Variants in SOX21 observed in about 807,000 individuals in gnomAD.
The protein encoded by SOX21 is SRY-box transcription factor 21, also known as transcription factor SOX-21.
For synonymous variants in SOX21, 237 were observed against 189.7 expected, an observed-to-expected ratio of 1.25 and a Z score of -2.05; for missense variants, 370 against 388.8, an observed-to-expected ratio of 0.95 and a Z score of 0.41.
At position 94,710,623 on chromosome 13, in the gene SOX21, C is replaced by CA. The variant is rs1411010490; in HGVS notation, c.*595dup. On this transcript the variant is annotated 3_prime_UTR_variant, in exon 1 of 1. Coordinates refer to ENST00000376945, the MANE Select transcript of SOX21 (RefSeq NM_007084.4). Reference sequence around the variant, plus strand: ...TGGTTGGGAGTTCTGCTTGAGAGAACAGAGATCTGCAAAGTTCAAATAGTA... The same window carrying CA: ...TGGTTGGGAGTTCTGCTTGAGAGAACAAGAGATCTGCAAAGTTCAAATAGTA... The CA allele has an allele frequency of 6.6e-6, 1 of 152,126 alleles. No homozygotes were observed. Among genetic ancestry groups the CA allele is most frequent in the East Asian group, 1.9e-4 (1 of 5,168 alleles). The allele number at this position is 152,126 out of a possible 1,614,324, so 9.4% of individuals were successfully genotyped here. A position where few individuals can be genotyped will look rare whatever the true frequency, so the allele number is the denominator to read the frequency against.
Position 94,711,641 on chromosome 13 carries a change from C to T in SOX21, c.409G>A (p.Ala137Thr). Residue 137 changes from alanine (A) to threonine (T), a missense_variant, in exon 1 of 1, where the codon GCG becomes ACG. Ala to Thr is a moderately conservative substitution (Grantham distance 58). Transcript: ENST00000376945. The part of the protein sequence containing the change: ...PESLLANPEK[A>T]AAAAAAAAAR... ...GCGGCAGCGGCGGCGGCCGCGGCCG[C>T]CTTCTCGGGATTGGCGAGCAGCGAC... 1 of 1,298,652 alleles carries T rather than the reference C, an allele frequency of 7.7e-7. No homozygotes were observed. Among genetic ancestry groups the T allele is most frequent in the Non-Finnish European group, 9.8e-7 (1 of 1,025,404 alleles). The allele number at this position is 1,298,652 out of a possible 1,614,324, so 80.4% of individuals were successfully genotyped here.
chr13:94,712,211 C>CA lies in SOX21; in HGVS notation c.-163dup. On this transcript the variant is annotated 5_prime_UTR_variant, in exon 1 of 1. Coordinates refer to ENST00000376945, the MANE Select transcript of SOX21 (RefSeq NM_007084.4). The surrounding 1 kb of genome is among the most constrained non-coding windows in gnomAD (Gnocchi z 5.0). ...GGAGGAGGGGGCTGGGGGACCAGCCCAGGGCCACGCCGCGCCCCGGGCCGC... is the reference window on the plus strand; with the variant it reads ...GGAGGAGGGGGCTGGGGGACCAGCCCAAGGGCCACGCCGCGCCCCGGGCCGC... 7.9e-7 allele frequency: 1 copy of CA among 1,270,884 alleles called. No homozygotes were observed. The highest frequency in any genetic ancestry group is 4.4e-5 in the Admixed American group (1 of 22,920). The allele number at this position is 1,270,884 out of a possible 1,614,324, so 78.7% of individuals were successfully genotyped here.
At position 94,711,549 on chromosome 13, in the gene SOX21, G is replaced by C; in HGVS notation, c.501C>G (p.Gly167=). Residue 167 remains glycine, a synonymous_variant, in exon 1 of 1, where the codon GGC becomes GGG. Transcript: ENST00000376945. ...CCAGGTCGAGCAGCGAGTAGGGGCT[G>C]CCCGCGGCGGCGGCGGCGGCGGCAG... is the stretch of plus-strand genomic sequence containing the variant. ...AAAAAAAAAA[G]SPYSLLDLGS... is the part of the protein sequence containing the mutation. The C allele has an allele frequency of 9.2e-7, 1 of 1,091,104 alleles. No homozygotes were observed. Among genetic ancestry groups the C allele is most frequent in the Non-Finnish European group, 1.1e-6 (1 of 891,400 alleles). The allele number at this position is 1,091,104 out of a possible 1,614,324, so 67.6% of individuals were successfully genotyped here. A position where few individuals can be genotyped will look rare whatever the true frequency, so the allele number is the denominator to read the frequency against.
chr13:94,711,435 GA>G lies in SOX21; in HGVS notation c.614del (p.Phe205SerfsTer31). ...CTGCAGCCGCCGCCGCCGCGCCGTGGAAGGCGCCCGCGCCCGCGGTCGGGTA... is the reference window on the plus strand; with the variant it reads ...CTGCAGCCGCCGCCGCCGCGCCGTGGAGGCGCCCGCGCCCGCGGTCGGGTA... ...LGYPTAGAGA[F>X]HGAAAAAAAA... is the part of the protein sequence containing the mutation. On this transcript the variant is annotated frameshift_variant, in exon 1 of 1. Transcript: ENST00000376945. LOFTEE classifies it high-confidence loss of function. 2 of 1,091,994 alleles carry G rather than the reference GA, an allele frequency of 1.8e-6. No homozygotes were observed. Among genetic ancestry groups the G allele is most frequent in the East Asian group, 6.3e-5 (1 of 15,974 alleles). The allele number at this position is 1,091,994 out of a possible 1,614,324, so 67.6% of individuals were successfully genotyped here. A position where few individuals can be genotyped will look rare whatever the true frequency, so the allele number is the denominator to read the frequency against.
rs1875208595 is a variant in SOX21 at position 94,710,725 on chromosome 13, A to C, written c.*494T>G. 1.4e-5 allele frequency: 2 copies of C among 142,238 alleles called. No homozygotes were observed. The highest frequency in any genetic ancestry group is 3.0e-5 in the Non-Finnish European group (2 of 66,318). 8.8% of individuals were successfully genotyped at this position (142,238 alleles called of 1,614,324 possible). ...ACACAAGCAGCTTTTCCCGTGTGCC[A>C]GCCATTTCAGACCTCACATTTGAAC... On this transcript the variant is annotated 3_prime_UTR_variant, in exon 1 of 1. Coordinates refer to ENST00000376945, the MANE Select transcript of SOX21 (RefSeq NM_007084.4).
At position 94,711,756 on chromosome 13, in the gene SOX21, G is replaced by A; in HGVS notation, c.294C>T (p.Tyr98=). 1.2e-6 allele frequency: 2 copies of A among 1,612,876 alleles called. No individual in the cohort carries two copies. Among genetic ancestry groups the A allele is most frequent in the Non-Finnish European group, 1.7e-6 (2 of 1,179,614 alleles). Residue 98 remains tyrosine (Y), a synonymous_variant, in exon 1 of 1, where the codon TAC becomes TAT. Coordinates refer to ENST00000376945, the MANE Select transcript of SOX21 (RefSeq NM_007084.4). ...CGGCGTCCGCCACGCCGCCCAGGCC[G>A]TAGGGCACCGGGAAGGCGAACTTGT... ...KKDKFAFPVP[Y]GLGGVADAEH...
chr13:94,712,186 G>A lies in SOX21; in HGVS notation c.-137C>T, dbSNP rs1349760931. 1.5e-6 allele frequency: 2 copies of A among 1,372,532 alleles called. No individual in the cohort carries two copies. Among genetic ancestry groups the A allele is most frequent in the Non-Finnish European group, 9.4e-7 (1 of 1,068,454 alleles). 85.0% of individuals were successfully genotyped at this position (1,372,532 alleles called of 1,614,324 possible). On this transcript the variant is annotated 5_prime_UTR_variant, in exon 1 of 1. Coordinates refer to ENST00000376945, the MANE Select transcript of SOX21 (RefSeq NM_007084.4). This position sits in a 1 kb window ranked among gnomAD's most constrained non-coding sequence, Gnocchi z 5.0. Reference sequence around the variant, plus strand: ...CGCGCCCCGGCGTCGCTCCCGCCCCGGAGGAGGGGGCTGGGGGACCAGCCC... The same window carrying A: ...CGCGCCCCGGCGTCGCTCCCGCCCCAGAGGAGGGGGCTGGGGGACCAGCCC...
chr13:94,710,363 T>C lies in SOX21; in HGVS notation c.*856A>G, dbSNP rs1284460104. On this transcript the variant is annotated 3_prime_UTR_variant, in exon 1 of 1. Coordinates refer to ENST00000376945, the MANE Select transcript of SOX21 (RefSeq NM_007084.4). ...TGCCTTTTTCCTTTTTTGTAAACTG[T>C]GTCAGAAATCCAAGCGAGTGGACTC... 1 of 152,650 alleles carries C rather than the reference T, an allele frequency of 6.6e-6. No individual in the cohort carries two copies. Among genetic ancestry groups the C allele is most frequent in the Non-Finnish European group, 1.5e-5 (1 of 68,050 alleles). 9.5% of individuals were successfully genotyped at this position (152,650 alleles called of 1,614,324 possible).
rs767677959 is a variant in SOX21 at position 94,711,626 on chromosome 13, C to T, written c.424G>A (p.Ala142Thr). 2.4e-6 allele frequency: 3 copies of T among 1,236,844 alleles called. No individual in the cohort carries two copies. Among genetic ancestry groups the T allele is most frequent in the Non-Finnish European group, 3.0e-6 (3 of 989,084 alleles). 76.6% of individuals were successfully genotyped at this position (1,236,844 alleles called of 1,614,324 possible). Residue 142 changes from alanine to threonine, a missense_variant, in exon 1 of 1, where the codon GCC becomes ACC. By Grantham distance (58) the Ala-to-Thr change is moderately conservative. Transcript: ENST00000376945. ...ANPEKAAAAAAAAAARVFFPQ... is the reference protein window; with the variant it reads ...ANPEKAAAAATAAAARVFFPQ... ...AAGAAGACGCGTGCGGCGGCAGCGG[C>T]GGCGGCCGCGGCCGCCTTCTCGGGA...
At position 94,711,420 on chromosome 13, in the gene SOX21, C is replaced by T; in HGVS notation, c.630G>A (p.Ala210=). The change falls in exon 1 of 1, where the codon GCG becomes GCA. Residue 210 remains alanine, a synonymous_variant. Coordinates refer to ENST00000376945, the MANE Select transcript of SOX21 (RefSeq NM_007084.4). ...CGGCGGCGGCCGCCGCTGCAGCCGC[C>T]GCCGCCGCGCCGTGGAAGGCGCCCG... ...AGAGAFHGAA[A]AAAAAAAAAG... 3 of 674,810 alleles carry T rather than the reference C, an allele frequency of 4.4e-6. No homozygotes were observed. Among genetic ancestry groups the T allele is most frequent in the African/African-American group, 2.1e-5 (1 of 48,018 alleles). 41.8% of individuals were successfully genotyped at this position (674,810 alleles called of 1,614,324 possible).
rs983273426 is a variant in SOX21 at position 94,710,864 on chromosome 13, A to G, written c.*355T>C. The G allele has an allele frequency of 5.2e-6, 1 of 192,444 alleles. No individual in the cohort carries two copies. Among genetic ancestry groups the G allele is most frequent in the Non-Finnish European group, 1.1e-5 (1 of 94,184 alleles). The allele number at this position is 192,444 out of a possible 1,614,324, so 11.9% of individuals were successfully genotyped here. A position where few individuals can be genotyped will look rare whatever the true frequency, so the allele number is the denominator to read the frequency against. ...CCATGAAACTTCCAACAAAACTGGA[A>G]AGGCCAACATGTCAAAAAGTTACTC... On this transcript the variant is annotated 3_prime_UTR_variant, in exon 1 of 1. Transcript: ENST00000376945.
In SOX21 at chr13:94,711,369, G is replaced by A; in HGVS notation, c.681C>T (p.Pro227=). 1.6e-6 allele frequency: 2 copies of A among 1,254,876 alleles called. No individual in the cohort carries two copies. Among genetic ancestry groups the A allele is most frequent in the Non-Finnish European group, 2.0e-6 (2 of 1,001,250 alleles). 77.7% of individuals were successfully genotyped at this position (1,254,876 alleles called of 1,614,324 possible). A position where few individuals can be genotyped will look rare whatever the true frequency, so the allele number is the denominator to read the frequency against. Residue 227 remains proline, a synonymous_variant, in exon 1 of 1, where the codon CCC becomes CCT. Transcript: ENST00000376945. ...TCATGTAGCCCGGGTTGCCCGGGCT[G>A]GGGTGCGAGTGCGTGTGCCCCCCGG... The part of the protein sequence containing the change: ...AAAGGHTHSH[P]SPGNPGYMIP...
Position 94,711,086 on chromosome 13 carries a change from TG to T in SOX21, c.*132del. The T allele has an allele frequency of 1.1e-6, 1 of 924,584 alleles. No homozygotes were observed. The highest frequency in any genetic ancestry group is 1.4e-6 in the Non-Finnish European group (1 of 709,728). 57.3% of individuals were successfully genotyped at this position (924,584 alleles called of 1,614,324 possible). On this transcript the variant is annotated 3_prime_UTR_variant, in exon 1 of 1. Transcript: ENST00000376945. Reference sequence around the variant, plus strand: ...CCCGCCTGGCCTCTCTGCCTCTACCTGGCACCTATACATTCTATGTACATAC... The same window carrying T: ...CCCGCCTGGCCTCTCTGCCTCTACCTGCACCTATACATTCTATGTACATAC...
chr13:94,712,305 C>A lies in SOX21; in HGVS notation c.-256G>T. ...CACTCTAACTTCTCGGCGGTGCCCC[C>A]TCCCCGCGGCGGCAGTTTGCCCTTT... On this transcript the variant is annotated 5_prime_UTR_variant, in exon 1 of 1. The change creates a new upstream start codon in the 5' untranslated region. Transcript: ENST00000376945. The surrounding 1 kb of genome is among the most constrained non-coding windows in gnomAD (Gnocchi z 5.0). 8.7e-7 allele frequency: 1 copy of A among 1,155,276 alleles called. No homozygotes were observed. The allele number at this position is 1,155,276 out of a possible 1,614,324, so 71.6% of individuals were successfully genotyped here.
At position 94,711,026 on chromosome 13, in the gene SOX21, C is replaced by G; in HGVS notation, c.*193G>C. ...ATGATCCTGCGAATTCACAGGCCTG[C>G]TCGCCCGCGCCCTTGCGCGCTTGGC... On this transcript the variant is annotated 3_prime_UTR_variant, in exon 1 of 1. Transcript: ENST00000376945. The G allele has an allele frequency of 4.3e-6, 2 of 460,674 alleles. No individual in the cohort carries two copies. The highest frequency in any genetic ancestry group is 7.0e-6 in the Non-Finnish European group (2 of 285,294). The allele number at this position is 460,674 out of a possible 1,614,324, so 28.5% of individuals were successfully genotyped here.
rs987058316 is a variant in SOX21, at chr13:94,711,461, A to C, written c.589T>G (p.Tyr197Asp). 1 of 1,014,512 alleles carries C rather than the reference A, an allele frequency of 9.9e-7. No individual in the cohort carries two copies. The highest frequency in any genetic ancestry group is 1.2e-6 in the Non-Finnish European group (1 of 842,698). The allele number at this position is 1,014,512 out of a possible 1,614,324, so 62.8% of individuals were successfully genotyped here. The change falls in exon 1 of 1, where the codon TAC (tyrosine) becomes GAC (aspartate). Residue 197 changes from tyrosine (Y) to aspartate (D), a missense_variant. Tyr to Asp is a radical substitution (Grantham distance 160, BLOSUM62 -3). Coordinates refer to ENST00000376945, the MANE Select transcript of SOX21 (RefSeq NM_007084.4). Reference sequence around the variant, plus strand: ...AAGGCGCCCGCGCCCGCGGTCGGGTAGCCCAGCGACGACGCGTACGGGAGG... The same window carrying C: ...AAGGCGCCCGCGCCCGCGGTCGGGTCGCCCAGCGACGACGCGTACGGGAGG... Reference protein sequence around the residue: ...SGLPYASSLGYPTAGAGAFHG... With the variant: ...SGLPYASSLGDPTAGAGAFHG...
chr13:94,712,240 A>G lies in SOX21; in HGVS notation c.-191T>C. ...GCCACGCCGCGCCCCGGGCCGCCTT[A>G]GTGTCTCCGGCCGAGCGCTCGAGCA... On this transcript the variant is annotated 5_prime_UTR_variant, in exon 1 of 1. Transcript: ENST00000376945. The surrounding 1 kb of genome is among the most constrained non-coding windows in gnomAD (Gnocchi z 5.0). 2.6e-5 allele frequency: 32 copies of G among 1,240,884 alleles called. No homozygotes were observed. Among genetic ancestry groups the G allele is most frequent in the Non-Finnish European group, 3.1e-5 (31 of 996,490 alleles). The allele number at this position is 1,240,884 out of a possible 1,614,324, so 76.9% of individuals were successfully genotyped here. A position where few individuals can be genotyped will look rare whatever the true frequency, so the allele number is the denominator to read the frequency against.
chr13:94,711,113 A>T lies in SOX21; in HGVS notation c.*106T>A. 2 of 1,116,596 alleles carry T rather than the reference A, an allele frequency of 1.8e-6. No individual in the cohort carries two copies. Among genetic ancestry groups the T allele is most frequent in the East Asian group, 6.5e-5 (2 of 30,710 alleles). 69.2% of individuals were successfully genotyped at this position (1,116,596 alleles called of 1,614,324 possible). On this transcript the variant is annotated 3_prime_UTR_variant, in exon 1 of 1. Transcript: ENST00000376945. ...GCACCTATACATTCTATGTACATAC[A>T]AACCGGGCCCCCGGTCGCGGGAGGG... is the stretch of plus-strand genomic sequence containing the variant.
Position 94,711,826 on chromosome 13 carries a change from T to C in SOX21, c.224A>G (p.Tyr75Cys). Residue 75 changes from tyrosine to cysteine, a missense_variant, in exon 1 of 1, where the codon TAC becomes TGC. Tyr to Cys is a radical substitution (Grantham distance 194). Transcript: ENST00000376945. ...RAMHMKEHPD[Y>C]KYRPRRKPKT... Reference sequence around the variant, plus strand: ...GGGCTTGCGCCGCGGCCGGTACTTGTAGTCGGGGTGCTCCTTCATGTGCAT... The same window carrying C: ...GGGCTTGCGCCGCGGCCGGTACTTGCAGTCGGGGTGCTCCTTCATGTGCAT... 6.2e-7 allele frequency: 1 copy of C among 1,613,884 alleles called. No homozygotes were observed. The highest frequency in any genetic ancestry group is 8.5e-7 in the Non-Finnish European group (1 of 1,179,896).
Sources: allele counts gnomAD v4.1 joint callset, GRCh38; gene constraint gnomAD v4.1.1; non-coding constraint Gnocchi (gnomAD v3.1); transcripts MANE v1.5; gene names NCBI Gene and HGNC (gene_info 2026-07-23, HGNC 2026-07-21).